Variants in CCSER1 observed in about 807,000 individuals in gnomAD.
The protein encoded by CCSER1 is coiled-coil serine rich protein 1, also known as serine-rich coiled-coil domain-containing protein 1.
In CCSER1, 41 loss-of-function variants were observed where a neutral mutation model predicts 82.0. That is an observed-to-expected ratio of 0.50 (90% CI 0.39 to 0.65). CCSER1 has a LOEUF of 0.65. Ranked by LOEUF, CCSER1 falls within the 30% of genes least tolerant of loss-of-function variation. The pLI, the probability that CCSER1 is intolerant of heterozygous loss-of-function variation, is 0.00. For missense variants in CCSER1, 1,119 were observed against 1,064.2 expected, an observed-to-expected ratio of 1.05 and a Z score of -0.72; for synonymous variants, 414 against 383.9, an observed-to-expected ratio of 1.08 and a Z score of -0.92.
chr4:90,186,589 G>A (rs897505102), intron 1 of CCSER1, among the ~76,000 whole-genome samples: 6 of 151,830 alleles, frequency 4.0e-5, no homozygotes, highest in Non-Finnish European at 7.4e-5. Context: ...ATTGTATAAC[G>A]AAATGTATAC....
At chr4:91,147,216 G>T (rs1560466738) in intron 10 of CCSER1, among the ~76,000 whole-genome samples, 1 of 152,130 alleles carries the variant, frequency 6.6e-6, no homozygotes, top group Non-Finnish European at 1.5e-5. Flanking sequence ...TGGTTTCATG[G>T]GTGTGCAACT....
intron 10 of CCSER1, among the ~76,000 whole-genome samples, chr4:91,421,591 A>G (rs1753686080): frequency 6.6e-6 from 1 of 152,106 alleles, no homozygotes; most frequent in Admixed American, 6.5e-5. Context: ...TCATAGACAC[A>G]CCCAGATAAA....
At chr4:90,880,060 C>G (rs1179374223) in intron 8 of CCSER1, among the ~76,000 whole-genome samples, 1 of 152,122 alleles carries the variant, frequency 6.6e-6, no homozygotes, top group Non-Finnish European at 1.5e-5. Flanking sequence ...TACTGGTCAG[C>G]TGGTAGACTC....
chr4:90,465,967 A>G (rs1763579584), intron 4 of CCSER1, among the ~76,000 whole-genome samples: 3 of 152,300 alleles, frequency 2.0e-5, no homozygotes, highest in South Asian at 4.1e-4. Context: ...AATTTCATTC[A>G]TTATCAGGAA....
intron 6 of CCSER1, among the ~76,000 whole-genome samples, chr4:90,689,102 G>A (rs1175369081): frequency 6.6e-6 from 1 of 152,072 alleles, no homozygotes; most frequent in African/African-American, 2.4e-5. Flanking sequence ...TCTTAATTCT[G>A]TTTTCAGAGT....
intron 4 of CCSER1, among the ~76,000 whole-genome samples, chr4:90,462,050 T>G (rs943882196): frequency 1.3e-5 from 2 of 152,162 alleles, no homozygotes; most frequent in African/African-American, 4.8e-5. Context: ...ATCTGCTTCT[T>G]TTTTTTCATT....
chr4:91,472,358 G>A (rs1048687825), intron 10 of CCSER1, among the ~76,000 whole-genome samples: 3 of 152,178 alleles, frequency 2.0e-5, no homozygotes, highest in South Asian at 2.1e-4. Context: ...AGGAACTCAA[G>A]AGTCTCAAAT....
At chr4:91,480,011 C>T (rs373917977) in intron 10 of CCSER1, among the ~76,000 whole-genome samples, 4 of 139,038 alleles carry the variant, frequency 2.9e-5, no homozygotes, top group Admixed American at 7.6e-5. Context: ...TTTGTTCTTG[C>T]GATAGTTTAC....
chr4:90,695,525 C>T (rs1176581495), intron 6 of CCSER1, among the ~76,000 whole-genome samples: 1 of 151,798 alleles, frequency 6.6e-6, no homozygotes, highest in African/African-American at 2.4e-5. Context: ...AATGTCAGAC[C>T]TAGAAAGGAG....
At chr4:90,708,054 G>A (rs1171545484) in intron 6 of CCSER1, among the ~76,000 whole-genome samples, 3 of 152,126 alleles carry the variant, frequency 2.0e-5, no homozygotes, top group Non-Finnish European at 4.4e-5. Flanking sequence ...AGGTCAACCA[G>A]CAGCAGTTTG....
chr4:90,414,178 G>GA, intron 4 of CCSER1, among the ~76,000 whole-genome samples: 1 of 149,432 alleles, frequency 6.7e-6, no homozygotes. Context: ...GCCTTGAGAG[G>GA]AAAAAAATTT....
chr4:90,808,746 A>G lies in CCSER1; in HGVS notation c.2011-7016A>G, dbSNP rs573938324. Among the ~76,000 whole-genome samples the G allele has an allele frequency of 8.5e-5, 13 of 152,300 alleles. No homozygotes were observed. In the South Asian group the frequency reaches 2.7e-3, roughly 32 times the overall value. On this transcript the variant is annotated intron_variant, in intron 7 of 10. Transcript: ENST00000509176. ...AAATCAAAAGACAATAGATGTTACC[A>G]TGGATGTGGTAAATGGTGAAAATGG... is the stretch of plus-strand genomic sequence containing the variant.
chr4:90,510,967 T>C (rs1036958524), intron 5 of CCSER1, among the ~76,000 whole-genome samples: 3 of 152,138 alleles, frequency 2.0e-5, no homozygotes, highest in Non-Finnish European at 4.4e-5. Context: ...TCCTAACTCA[T>C]TCTAATATGA....
intron 8 of CCSER1, among the ~76,000 whole-genome samples, chr4:90,892,523 A>AGCACATTG (rs1723108673): frequency 6.6e-6 from 1 of 152,018 alleles, no homozygotes; most frequent in Non-Finnish European, 1.5e-5. Flanking sequence ...TTATACATAC[A>AGCACATTG]GCACATTGTT....
intron 9 of CCSER1, among the ~76,000 whole-genome samples, chr4:91,041,993 G>A (rs1272607611): frequency 6.6e-6 from 1 of 152,134 alleles, no homozygotes; most frequent in Non-Finnish European, 1.5e-5. Flanking sequence ...CTTTTGATGT[G>A]TTCATTAAGC....
chr4:90,959,278 A>G (rs1490743974), intron 9 of CCSER1, among the ~76,000 whole-genome samples: 1 of 152,148 alleles, frequency 6.6e-6, no homozygotes, highest in Non-Finnish European at 1.5e-5. Flanking sequence ...CAATATCTAT[A>G]TTATATTTCT....
intron 10 of CCSER1, among the ~76,000 whole-genome samples, chr4:91,198,969 T>A (rs975060985): frequency 6.6e-6 from 1 of 152,104 alleles, no homozygotes; most frequent in Non-Finnish European, 1.5e-5. Flanking sequence ...TCCATCTTCA[T>A]ACACACTCTT....
chr4:90,923,325 C>A, intron 8 of CCSER1, 45 bp from the exon 9 acceptor site: 1 of 1,299,122 alleles, frequency 7.7e-7, no homozygotes, highest in Non-Finnish European at 1.1e-6. Context: ...TGTAGAAGTA[C>A]ACACCTCACC....
chr4:90,695,087 T>C (rs1736778146), intron 6 of CCSER1, among the ~76,000 whole-genome samples: 1 of 149,250 alleles, frequency 6.7e-6, no homozygotes, highest in South Asian at 2.1e-4. Flanking sequence ...TATATATATT[T>C]GCCAATCTAG....
Sources: allele counts gnomAD v4.1 joint callset (sites outside exome capture counted in the v4.1 genomes callset), GRCh38; gene constraint gnomAD v4.1.1; transcripts MANE v1.5; gene names NCBI Gene and HGNC (gene_info 2026-07-23, HGNC 2026-07-21).